Variants in SLX4IP observed in about 807,000 individuals in gnomAD.
SLX4IP encodes SLX4 interacting protein.
Under a neutral mutation model 32.9 loss-of-function variants are expected in SLX4IP, and 34 were observed. That is an observed-to-expected ratio of 1.03 (90% confidence interval 0.79 to 1.38). The LOEUF (loss-of-function observed/expected upper bound fraction) is 1.38, where lower values mean the gene tolerates loss of function less well. Among genes scored for constraint, SLX4IP ranks in the 40% most tolerant of loss-of-function variants. The pLI, the probability that SLX4IP is intolerant of heterozygous loss-of-function variation, is 0.00. For missense variants in SLX4IP, 444 were observed against 479.0 expected (o/e 0.93, Z 0.68); for synonymous variants, 172 against 171.7 (o/e 1.00, Z -0.01).
chr20:10,552,858 C>T (rs1365172878), intron 2 of SLX4IP, among the ~76,000 whole-genome samples: 1 of 129,034 alleles, frequency 7.7e-6, no homozygotes, highest in African/African-American at 2.8e-5. Context: ...ATTAGTTTTG[C>T]GGTGGTAGGA....
intron 4 of SLX4IP, among the ~76,000 whole-genome samples, chr20:10,597,245 C>T (rs1446571705): frequency 1.3e-5 from 2 of 152,216 alleles, no homozygotes; most frequent in Admixed American, 6.5e-5. Flanking sequence ...AACTCTTGGC[C>T]ACTCCAGTTT....
At chr20:10,440,156 A>G (rs2065149373) in intron 1 of SLX4IP, among the ~76,000 whole-genome samples, 1 of 142,104 alleles carries the variant, frequency 7.0e-6, no homozygotes, top group African/African-American at 2.5e-5. Context: ...TATTTTTTGC[A>G]TTTAAAAATT....
chr20:10,541,310 A>G (rs962194494), intron 2 of SLX4IP, among the ~76,000 whole-genome samples: 2 of 152,176 alleles, frequency 1.3e-5, no homozygotes, highest in African/African-American at 4.8e-5. Flanking sequence ...GCCTTCTGGA[A>G]TTCCCTGCAG....
rs115590137 is a variant in SLX4IP at position 10,524,945 on chromosome 20, G to A, written c.28-31286G>A. 4.1e-3 allele frequency among the ~76,000 whole-genome samples: 621 copies of A among 152,222 alleles called. 6 individuals are homozygous for A. Among genetic ancestry groups the A allele is most frequent in the African/African-American group, 0.014 (575 of 41,500 alleles). ...TGTCATCTCCTGTTGCTAAGGTTAC[G>A]TAACAGCCACTTAACTAGTATCATT... On this transcript the variant is annotated intron_variant, in intron 2 of 7. Coordinates refer to ENST00000334534, the MANE Select transcript of SLX4IP (RefSeq NM_001009608.3).
intron 4 of SLX4IP, among the ~76,000 whole-genome samples, chr20:10,593,459 G>C (rs1049699018): frequency 6.6e-5 from 10 of 152,150 alleles, no homozygotes; most frequent in African/African-American, 2.2e-4. Context: ...GCTTAGCTGG[G>C]TGCAGTGGCT....
intron 2 of SLX4IP, among the ~76,000 whole-genome samples, chr20:10,460,633 G>A (rs2065329489): frequency 6.6e-6 from 1 of 152,204 alleles, no homozygotes; most frequent in African/African-American, 2.4e-5. Context: ...TAATTTGTCA[G>A]TCCTCTGAAG....
At chr20:10,516,777 T>C (rs2065853641) in intron 2 of SLX4IP, among the ~76,000 whole-genome samples, 1 of 152,254 alleles carries the variant, frequency 6.6e-6, no homozygotes, top group Non-Finnish European at 1.5e-5. Context: ...GTTGTCTCCA[T>C]TGGCTTTTAT....
chr20:10,585,856 G>T (rs1324758076), intron 4 of SLX4IP, among the ~76,000 whole-genome samples: 1 of 152,064 alleles, frequency 6.6e-6, no homozygotes, highest in Non-Finnish European at 1.5e-5. Context: ...CTCCCAAAAT[G>T]CTGGAATTAC....
intron 6 of SLX4IP, among the ~76,000 whole-genome samples, chr20:10,603,220 A>G (rs1052191832): frequency 3.9e-5 from 6 of 152,222 alleles, no homozygotes; most frequent in African/African-American, 1.4e-4. Context: ...AATGAAATAC[A>G]GGAGAAATTA....
At chr20:10,544,634 G>A (rs894985119) in intron 2 of SLX4IP, among the ~76,000 whole-genome samples, 4 of 152,104 alleles carry the variant, frequency 2.6e-5, no homozygotes, top group African/African-American at 7.2e-5. Flanking sequence ...CAATCTGTCC[G>A]CCTTGGCCTT....
At chr20:10,508,706 G>A (rs73604313) in intron 2 of SLX4IP, among the ~76,000 whole-genome samples, 9 of 152,124 alleles carry the variant, frequency 5.9e-5, no homozygotes, top group East Asian at 1.9e-4. Context: ...CTCCTTCTCC[G>A]TGGGCTGGCA....
At chr20:10,559,011 T>C (rs2066301000) in intron 3 of SLX4IP, among the ~76,000 whole-genome samples, 2 of 152,242 alleles carry the variant, frequency 1.3e-5, no homozygotes, top group Admixed American at 1.3e-4. Flanking sequence ...TTTAGCCTTA[T>C]AGGGCATTTA....
At chr20:10,505,143 T>C (rs909045043) in intron 2 of SLX4IP, among the ~76,000 whole-genome samples, 2 of 152,200 alleles carry the variant, frequency 1.3e-5, no homozygotes, top group Admixed American at 6.5e-5. Context: ...TAGAAAGCTA[T>C]TAAAAATGTG....
intron 2 of SLX4IP, among the ~76,000 whole-genome samples, chr20:10,484,177 G>T (rs2043052457): frequency 6.6e-6 from 1 of 151,904 alleles, no homozygotes; most frequent in African/African-American, 2.4e-5. Flanking sequence ...TGTTTTAGGG[G>T]CCTCAGTCAT....
intron 4 of SLX4IP, among the ~76,000 whole-genome samples, chr20:10,564,264 T>C (rs936065804): frequency 6.6e-6 from 1 of 152,236 alleles, no homozygotes; most frequent in Non-Finnish European, 1.5e-5. Context: ...CAGCTGATCC[T>C]ATAGTCTTTT....
chr20:10,617,578 A>G (rs2067051788), intron 6 of SLX4IP, among the ~76,000 whole-genome samples: 1 of 151,328 alleles, frequency 6.6e-6, no homozygotes. Flanking sequence ...CCACAGTTTC[A>G]ATGTGCCTTT....
chr20:10,472,475 G>A (rs1045069860), intron 2 of SLX4IP, among the ~76,000 whole-genome samples: 6 of 152,032 alleles, frequency 3.9e-5, no homozygotes, highest in Admixed American at 1.3e-4. Context: ...CGTGATCTGC[G>A]TGCCTTGGAC....
intron 1 of SLX4IP, among the ~76,000 whole-genome samples, chr20:10,451,812 C>CA (rs1265961538): frequency 6.6e-6 from 1 of 151,574 alleles, no homozygotes; most frequent in Non-Finnish European, 1.5e-5. Context: ...ACTAAAAATA[C>CA]AAAAAATTAG....
chr20:10,495,275 T>C (rs1184440456), intron 2 of SLX4IP, among the ~76,000 whole-genome samples: 1 of 152,178 alleles, frequency 6.6e-6, no homozygotes, highest in Non-Finnish European at 1.5e-5. Context: ...TTTTTTAAGA[T>C]TGCATATTAA....
Sources: allele counts gnomAD v4.1 joint callset (sites outside exome capture counted in the v4.1 genomes callset), GRCh38; gene constraint gnomAD v4.1.1; transcripts MANE v1.5; gene names NCBI Gene and HGNC (gene_info 2026-07-23, HGNC 2026-07-21).